DPP6: variants seen among roughly 807,000 people sequenced by gnomAD.
DPP6 encodes the protein A-type potassium channel modulatory protein DPP6.
Under a neutral mutation model 122.6 loss-of-function variants are expected in DPP6, and 69 were observed. The ratio of observed to expected loss-of-function variants is 0.56; its 90% CI spans 0.46 to 0.69. DPP6 has a LOEUF of 0.69. DPP6 is among the 30% of genes least tolerant of loss of function. DPP6 has a pLI of 0.00. For missense variants in DPP6, 928 were observed against 1,116.9 expected, an observed-to-expected ratio of 0.83 and a Z score of 2.41; for synonymous variants, 418 against 433.1, an observed-to-expected ratio of 0.97 and a Z score of 0.43.
chr7:154,236,618 G>A (rs1002266016), intron 1 of DPP6, among the ~76,000 whole-genome samples: 2 of 152,178 alleles, frequency 1.3e-5, no homozygotes, highest in Admixed American at 6.5e-5. Flanking sequence ...GTGCATGGGT[G>A]AGGCAGCCCA....
chr7:154,553,302 A>G (rs971916048), intron 4 of DPP6, among the ~76,000 whole-genome samples: 16 of 151,934 alleles, frequency 1.1e-4, no homozygotes, highest in African/African-American at 3.1e-4. Context: ...ACAATAGTCT[A>G]TGTTGTCTGG....
intron 1 of DPP6, among the ~76,000 whole-genome samples, chr7:154,355,452 A>G (rs1210076639): frequency 6.6e-6 from 1 of 152,186 alleles, no homozygotes; most frequent in Non-Finnish European, 1.5e-5. Context: ...GTTATTCAAG[A>G]TCATGAAAAT....
At chr7:153,748,236 G>A in the DPP6 span, among the ~76,000 whole-genome samples, 3 of 152,090 alleles carry the variant, frequency 2.0e-5, no homozygotes, top group Admixed American at 6.5e-5. Flanking sequence ...TCTTTCGCCT[G>A]TGCAGTGGTT....
At chr7:154,488,434 T>C (rs1321868215) in intron 3 of DPP6, among the ~76,000 whole-genome samples, 1 of 150,790 alleles carries the variant, frequency 6.6e-6, no homozygotes, top group African/African-American at 2.5e-5. Context: ...GGGTGATTGA[T>C]AGAGCGAGAC....
the DPP6 span, among the ~76,000 whole-genome samples, chr7:153,867,034 G>C: frequency 6.6e-6 from 1 of 152,174 alleles, no homozygotes; most frequent in African/African-American, 2.4e-5. Context: ...CCAGTACCAC[G>C]CTGTTTTTGT....
chr7:154,017,815 C>T (rs1395069244), intron 1 of DPP6, among the ~76,000 whole-genome samples: 1 of 151,468 alleles, frequency 6.6e-6, no homozygotes, highest in East Asian at 1.9e-4. Context: ...TGATCCTGTG[C>T]TTCCATTTGC....
rs962835912 is a variant in DPP6 at position 154,773,409 on chromosome 7, A to T, written c.1136+467A>T. ...TCGCAACCCTGTGGAAGGTATTAAC[A>T]ATGTTATTGAGTTATTATTATTAGC... On this transcript the variant is annotated intron_variant, in intron 10 of 25. Coordinates refer to ENST00000377770, the MANE Select transcript of DPP6 (RefSeq NM_130797.4). Among the ~76,000 whole-genome samples the T allele has an allele frequency of 9.2e-5, 14 of 152,218 alleles. 1 individual carries two copies. Among genetic ancestry groups the T allele is most frequent in the Non-Finnish European group, 1.5e-5 (1 of 68,040 alleles).
intron 1 of DPP6, among the ~76,000 whole-genome samples, chr7:154,256,997 TC>T (rs201096624): frequency 4.0e-5 from 5 of 124,986 alleles, no homozygotes; most frequent in Admixed American, 2.3e-4. Context: ...TTCTTCTTCT[TC>T]TTTTTTTTTT....
intron 1 of DPP6, among the ~76,000 whole-genome samples, chr7:154,163,310 G>C (rs1196742598): frequency 6.6e-6 from 1 of 152,048 alleles, no homozygotes; most frequent in African/African-American, 2.4e-5. Flanking sequence ...GTTGAGTCGA[G>C]CTGGACACCT....
At chr7:153,809,055 A>G in the DPP6 span, among the ~76,000 whole-genome samples, 463 of 151,936 alleles carry the variant, frequency 3.0e-3, 18 homozygotes, top group East Asian at 0.078. Flanking sequence ...CCCCACCAAC[A>G]CTCATTATAT....
intron 1 of DPP6, among the ~76,000 whole-genome samples, chr7:154,081,608 G>T (rs1406466242): frequency 1.3e-5 from 2 of 148,504 alleles, no homozygotes; most frequent in East Asian, 3.9e-4. Flanking sequence ...GGCGGGCCTT[G>T]GTTCATGATC....
chr7:154,339,125 T>C (rs936097670), intron 1 of DPP6, among the ~76,000 whole-genome samples: 27 of 152,216 alleles, frequency 1.8e-4, no homozygotes, highest in African/African-American at 6.3e-4. Context: ...TGGTGGTCAC[T>C]GCATGTAATC....
intron 3 of DPP6, among the ~76,000 whole-genome samples, chr7:154,487,744 A>C (rs775532836): frequency 1.1e-4 from 16 of 152,212 alleles, no homozygotes; most frequent in Non-Finnish European, 2.1e-4. Context: ...GTCTCAGTTA[A>C]ATTACTTCAC....
At chr7:154,281,299 C>T (rs537188484) in intron 1 of DPP6, among the ~76,000 whole-genome samples, 132 of 152,238 alleles carry the variant, frequency 8.7e-4, no homozygotes, top group African/African-American at 2.6e-3. Flanking sequence ...AGGCATAAGC[C>T]GCTGCGCCCA....
At chr7:154,847,729 A>G (rs1185825551) in intron 16 of DPP6, among the ~76,000 whole-genome samples, 2 of 152,170 alleles carry the variant, frequency 1.3e-5, no homozygotes, top group Non-Finnish European at 2.9e-5. Context: ...ATTATTACCT[A>G]GAGTCACCAT....
At chr7:154,143,154 G>A (rs571040880) in intron 1 of DPP6, among the ~76,000 whole-genome samples, 1 of 151,796 alleles carries the variant, frequency 6.6e-6, no homozygotes, top group Non-Finnish European at 1.5e-5. Flanking sequence ...GTGTGTAGAG[G>A]TTGTATTATG....
At chr7:154,551,152 G>T (rs939736111) in intron 4 of DPP6, among the ~76,000 whole-genome samples, 4 of 152,124 alleles carry the variant, frequency 2.6e-5, no homozygotes, top group Non-Finnish European at 5.9e-5. Flanking sequence ...AGTTTCAAAT[G>T]AGTTCAATTT....
chr7:154,127,034 C>T (rs1366067084), intron 1 of DPP6, among the ~76,000 whole-genome samples: 3 of 152,142 alleles, frequency 2.0e-5, no homozygotes, highest in Non-Finnish European at 4.4e-5. Context: ...TTAAATCCAT[C>T]GTAATTACAT....
At chr7:154,052,159 T>C (rs1265575850), upstream of DPP6, among the ~76,000 whole-genome samples, 2 of 151,012 alleles carry the variant, frequency 1.3e-5, no homozygotes, top group Non-Finnish European at 3.0e-5. The surrounding 1 kb of genome is among the most constrained non-coding windows in gnomAD (Gnocchi z 4.8). Flanking sequence ...CACCCTGAGC[T>C]CCCGGGACTC....
Sources: gnomAD v4.1 joint callset for allele counts (sites outside exome capture counted in the v4.1 genomes callset) on GRCh38, gnomAD v4.1.1 for gene constraint, Gnocchi (gnomAD v3.1) non-coding constraint, MANE v1.5 for transcripts, NCBI Gene and HGNC (gene_info 2026-07-23, HGNC 2026-07-21) for gene names.